Variants in COP1 observed in about 807,000 individuals in gnomAD.
COP1 encodes COP1 E3 ubiquitin ligase.
Under a neutral mutation model 101.3 loss-of-function variants are expected in COP1, and 24 were observed. The observed-to-expected ratio is 0.24, with a 90% CI of 0.17 to 0.33. The LOEUF (loss-of-function observed/expected upper bound fraction) is 0.33. Among genes scored for constraint, COP1 ranks in the 10% least tolerant of loss-of-function variants. The pLI, the probability that COP1 is intolerant of heterozygous loss-of-function variation, is 1.00. For synonymous variants in COP1, 347 were observed against 341.9 expected (o/e 1.01, Z -0.17); for missense variants, 663 against 906.2 (o/e 0.73, Z 3.45).
chr1:175,986,597 C>T (rs1273795842), intron 18 of COP1, among the ~76,000 whole-genome samples: 1 of 152,034 alleles, frequency 6.6e-6, no homozygotes, highest in Admixed American at 6.5e-5. Context: ...GTTTATCAAG[C>T]TTATACTGCA....
intron 18 of COP1, among the ~76,000 whole-genome samples, chr1:175,948,590 G>A (rs1649470400): frequency 6.6e-6 from 1 of 152,160 alleles, no homozygotes; most frequent in Admixed American, 6.5e-5. Flanking sequence ...TATGCAAGTT[G>A]CGCTTTACAA....
At chr1:175,957,083 A>C (rs961097211) in intron 18 of COP1, among the ~76,000 whole-genome samples, 2 of 152,314 alleles carry the variant, frequency 1.3e-5, no homozygotes, top group South Asian at 4.1e-4. Context: ...AAGTGAAAAA[A>C]ATTAAAATTA....
At chr1:176,165,218 C>T (rs12144806) in intron 3 of COP1, among the ~76,000 whole-genome samples, 10,553 of 152,016 alleles carry the variant, frequency 0.069, 460 homozygotes, top group Admixed American at 0.087. Flanking sequence ...AAAGTATACA[C>T]GCAGAGATCA....
chr1:176,001,805 G>A (rs1229510843), intron 15 of COP1, among the ~76,000 whole-genome samples: 1 of 151,928 alleles, frequency 6.6e-6, no homozygotes, highest in African/African-American at 2.4e-5. Context: ...GAACTCACTC[G>A]GTTTATCTGG....
chr1:176,178,105 T>C (rs1221346555), intron 2 of COP1, among the ~76,000 whole-genome samples: 1 of 152,162 alleles, frequency 6.6e-6, no homozygotes, highest in Admixed American at 6.5e-5. Context: ...ATTTCCTACA[T>C]GGAAATTTCA....
At chr1:176,089,266 C>A (rs904044942) in intron 9 of COP1, among the ~76,000 whole-genome samples, 33 of 150,746 alleles carry the variant, frequency 2.2e-4, no homozygotes, top group African/African-American at 8.1e-4. Flanking sequence ...GCACCCCAGC[C>A]TGGGTGACAG....
At chr1:176,143,067 GAAA>G (rs1354826475) in intron 6 of COP1, among the ~76,000 whole-genome samples, 2 of 149,114 alleles carry the variant, frequency 1.3e-5, no homozygotes, top group Non-Finnish European at 3.0e-5. Flanking sequence ...TTAGTTATTA[GAAA>G]AAAACCCATA....
chr1:176,145,969 C>T (rs1182857166), intron 6 of COP1, among the ~76,000 whole-genome samples: 2 of 152,124 alleles, frequency 1.3e-5, no homozygotes, highest in African/African-American at 4.8e-5. Context: ...AATGGTCACT[C>T]TACTGTAATT....
chr1:176,054,285 C>T (rs1673083598), intron 11 of COP1, among the ~76,000 whole-genome samples: 1 of 151,882 alleles, frequency 6.6e-6, no homozygotes, highest in Non-Finnish European at 1.5e-5. Context: ...CCTCAGCCTC[C>T]CAAGTAGCTG....
intron 14 of COP1, among the ~76,000 whole-genome samples, chr1:176,032,166 G>A (rs1442772149): frequency 2.0e-5 from 3 of 152,078 alleles, no homozygotes; most frequent in African/African-American, 7.2e-5. Flanking sequence ...TTCCAGACTC[G>A]CTTCTAAACT....
At chr1:176,089,785 C>G (rs555108816) in intron 9 of COP1, among the ~76,000 whole-genome samples, 1 of 152,284 alleles carries the variant, frequency 6.6e-6, no homozygotes, top group Non-Finnish European at 1.5e-5. Flanking sequence ...TATAATCTCT[C>G]TTAGTTTTCA....
chr1:176,132,505 ATG>A (rs923291796), intron 8 of COP1, among the ~76,000 whole-genome samples: 6 of 150,666 alleles, frequency 4.0e-5, no homozygotes, highest in Non-Finnish European at 5.9e-5. Context: ...GGGGGTATGT[ATG>A]TGTGTGTGTA....
chr1:176,069,189 G>GA (rs1020244675), intron 11 of COP1, among the ~76,000 whole-genome samples: 19 of 145,210 alleles, frequency 1.3e-4, no homozygotes, highest in Non-Finnish European at 2.0e-4. Context: ...CATCTCAAGA[G>GA]AAAAAAAAAA....
intron 18 of COP1, among the ~76,000 whole-genome samples, chr1:175,970,222 A>G (rs763003422): frequency 2.6e-5 from 4 of 152,220 alleles, no homozygotes; most frequent in Non-Finnish European, 5.9e-5. Context: ...AATAGCTGTG[A>G]GAAACCAGAA....
intron 11 of COP1, among the ~76,000 whole-genome samples, chr1:176,052,747 C>G (rs974834181): frequency 2.0e-5 from 3 of 152,170 alleles, no homozygotes; most frequent in Admixed American, 1.3e-4. Flanking sequence ...GTGCATCTTA[C>G]TAGTTTCCTA....
intron 15 of COP1, chr1:176,018,464 A>G (rs1666069688): frequency 6.6e-6 from 1 of 152,134 alleles, no homozygotes; most frequent in Admixed American, 6.5e-5. Context: ...TATGATATAA[A>G]ACAGATTAAA....
chr1:176,006,789 C>T (rs1663355703), intron 15 of COP1, among the ~76,000 whole-genome samples: 1 of 152,038 alleles, frequency 6.6e-6, no homozygotes, highest in Non-Finnish European at 1.5e-5. Context: ...ACATTTTTTC[C>T]TTCATTTCAA....
intron 8 of COP1, among the ~76,000 whole-genome samples, chr1:176,127,018 G>A (rs1395660111): frequency 6.6e-6 from 1 of 152,104 alleles, no homozygotes; most frequent in Non-Finnish European, 1.5e-5. Flanking sequence ...ATATAACCAT[G>A]AGAACAGGGT....
At chr1:176,030,984 A>G (rs572273212) in intron 14 of COP1, among the ~76,000 whole-genome samples, 63 of 152,328 alleles carry the variant, frequency 4.1e-4, no homozygotes, top group South Asian at 1.4e-3. Context: ...CCATGTGTGA[A>G]GAGAGCCAAG....
Sources: gnomAD v4.1 joint callset for allele counts (sites outside exome capture counted in the v4.1 genomes callset) on GRCh38, gnomAD v4.1.1 for gene constraint, MANE v1.5 for transcripts, NCBI Gene and HGNC (gene_info 2026-07-23, HGNC 2026-07-21) for gene names.